Variants in C4BPA observed in about 807,000 individuals in gnomAD.
C4BPA encodes complement component 4 binding protein alpha.
Under a neutral mutation model 63.7 loss-of-function variants are expected in C4BPA, and 31 were observed. The observed-to-expected ratio is 0.49, with a 90% confidence interval of 0.37 to 0.66. The LOEUF is 0.66. Among genes scored for constraint, C4BPA ranks in the 30% least tolerant of loss-of-function variants. The probability of loss-of-function intolerance (pLI) is 0.00; values close to 1 mark genes in which losing one functional copy is unlikely to be tolerated. For synonymous variants in C4BPA, 259 were observed against 254.7 expected (o/e 1.02, Z -0.16); for missense variants, 572 against 723.3 (o/e 0.79, Z 2.40).
intron 1 of C4BPA, among the ~76,000 whole-genome samples, chr1:207,112,354 T>G (rs912721720): frequency 3.3e-5 from 5 of 150,256 alleles, no homozygotes; most frequent in Non-Finnish European, 7.4e-5. Flanking sequence ...CTTTTTGTTT[T>G]TTTTTTTTTT....
intron 1 of C4BPA, among the ~76,000 whole-genome samples, chr1:207,110,785 T>C (rs1684652308): frequency 6.6e-6 from 1 of 152,224 alleles, no homozygotes; most frequent in Non-Finnish European, 1.5e-5. Context: ...TATGGTTGTA[T>C]TTTTGTAAAT....
chr1:207,141,775 TGTG>T (rs2102367184), intron 10 of C4BPA, among the ~76,000 whole-genome samples: 1 of 152,230 alleles, frequency 6.6e-6, no homozygotes, highest in East Asian at 1.9e-4. Context: ...TTGCAGCAGT[TGTG>T]GGGACAGGAG....
chr1:207,124,982 G>A (rs532735588), intron 6 of C4BPA, among the ~76,000 whole-genome samples: 1 of 152,346 alleles, frequency 6.6e-6, no homozygotes, highest in East Asian at 1.9e-4. Flanking sequence ...TGCCTGTAGG[G>A]CAAGCAAAAC....
At chr1:207,124,595 C>G (rs761920217) in intron 6 of C4BPA, among the ~76,000 whole-genome samples, 3 of 152,150 alleles carry the variant, frequency 2.0e-5, no homozygotes, top group Non-Finnish European at 2.9e-5. Context: ...TGGGAACAAA[C>G]AGCAACAACA....
intron 7 of C4BPA, among the ~76,000 whole-genome samples, chr1:207,130,046 T>G (rs368376063): frequency 1.3e-5 from 2 of 152,198 alleles, no homozygotes; most frequent in Non-Finnish European, 2.9e-5. Flanking sequence ...TATTGTTTTA[T>G]GCAATTGCTG....
chr1:207,126,913 C>T lies in C4BPA; in HGVS notation c.889+18C>T, dbSNP rs530867822. On this transcript the variant is annotated intron_variant, in intron 7 of 11. Coordinates refer to ENST00000367070, the MANE Select transcript of C4BPA (RefSeq NM_000715.4). Reference sequence around the variant, plus strand: ...TGAGCCCAGTAAGTATGGACTGTGACAGAATTTCAATGTTTGGCATCTAAA... The same window carrying T: ...TGAGCCCAGTAAGTATGGACTGTGATAGAATTTCAATGTTTGGCATCTAAA... 99 of 1,599,640 alleles carry T rather than the reference C, an allele frequency of 6.2e-5. No homozygotes were observed. The highest frequency in any genetic ancestry group is 3.3e-4 in the Middle Eastern group (2 of 6,028).
At chr1:207,106,956 C>A (rs918454239) in intron 1 of C4BPA, among the ~76,000 whole-genome samples, 2 of 152,016 alleles carry the variant, frequency 1.3e-5, no homozygotes, top group South Asian at 2.1e-4. Flanking sequence ...TACAATACCA[C>A]GTTAGAGATG....
At chr1:207,138,922 A>AT (rs1220251805) in intron 9 of C4BPA, among the ~76,000 whole-genome samples, 6 of 152,084 alleles carry the variant, frequency 3.9e-5, no homozygotes, top group East Asian at 1.9e-4. Context: ...TTTTTATTGT[A>AT]TTTTTTTACT....
At chr1:207,142,635 A>T (rs1477150728) in intron 10 of C4BPA, among the ~76,000 whole-genome samples, 5 of 152,082 alleles carry the variant, frequency 3.3e-5, no homozygotes, top group African/African-American at 1.2e-4. Context: ...ATGTTATCTC[A>T]TTGTGGTTTT....
At chr1:207,107,190 G>C (rs191632034) in intron 1 of C4BPA, among the ~76,000 whole-genome samples, 44 of 152,322 alleles carry the variant, frequency 2.9e-4, no homozygotes, top group Admixed American at 2.9e-3. Flanking sequence ...GAGTAAAGGA[G>C]AAGTTGGAGG....
At chr1:207,132,001 T>C (rs1558094902) in intron 8 of C4BPA, among the ~76,000 whole-genome samples, 1 of 152,224 alleles carries the variant, frequency 6.6e-6, no homozygotes, top group Non-Finnish European at 1.5e-5. Context: ...AGATTATGTA[T>C]TAGTTTTCTT....
At position 207,141,194 on chromosome 1, in the gene C4BPA, T is replaced by C; in HGVS notation, c.1362T>C (p.Cys454=). ...SFFKEEIIYE[C]DKGYILVGQA... ...TCAAAGAAGAGATTATATATGAATG[T>C]GATAAAGGCTACATTCTGGTCGGAC... Residue 454 remains cysteine, a synonymous_variant, in exon 10 of 12, where the codon TGT becomes TGC. Transcript: ENST00000367070. 1 of 1,613,688 alleles carries C rather than the reference T, an allele frequency of 6.2e-7. No individual in the cohort carries two copies. The highest frequency in any genetic ancestry group is 1.1e-5 in the South Asian group (1 of 91,062).
Position 207,131,701 on chromosome 1 carries a change from C to G in C4BPA, c.1045C>G (p.Gln349Glu), listed in dbSNP as rs1278214081. ...AGATGAGCCTACGACTGTGATTTGTCAGAAAAATTTGAGATGGACCCCATA... is the reference window on the plus strand; with the variant it reads ...AGATGAGCCTACGACTGTGATTTGTGAGAAAAATTTGAGATGGACCCCATA... ...TTDEPTTVIC[Q>E]KNLRWTPYQG... is the part of the protein sequence containing the mutation. The change falls in exon 8 of 12, where the codon CAG (glutamine) becomes GAG (glutamate). Residue 349 changes from glutamine to glutamate, a missense_variant. Gln to Glu is a conservative substitution (Grantham distance 29). This residue lies in a region of C4BPA where 465 missense variants were observed against 629.4 expected (regional missense o/e 0.74). Coordinates refer to ENST00000367070, the MANE Select transcript of C4BPA (RefSeq NM_000715.4). 1 of 1,613,224 alleles carries G rather than the reference C, an allele frequency of 6.2e-7. No individual in the cohort carries two copies. The highest frequency in any genetic ancestry group is 1.3e-5 in the African/African-American group (1 of 74,854).
At chr1:207,136,210 G>C (rs1685276092) in intron 9 of C4BPA, among the ~76,000 whole-genome samples, 3 of 152,166 alleles carry the variant, frequency 2.0e-5, no homozygotes, top group South Asian at 4.1e-4. Flanking sequence ...AGCCCATGCT[G>C]TTGGGCCCAT....
intron 9 of C4BPA, among the ~76,000 whole-genome samples, chr1:207,136,160 G>A (rs566933368): frequency 5.9e-5 from 9 of 152,276 alleles, no homozygotes; most frequent in East Asian, 1.9e-4. Flanking sequence ...TTGTTGGCAC[G>A]TTGGAGATTC....
chr1:207,135,325 G>A (rs1027063148), intron 9 of C4BPA, among the ~76,000 whole-genome samples: 10 of 151,834 alleles, frequency 6.6e-5, no homozygotes, highest in African/African-American at 9.7e-5. Flanking sequence ...GCTACAGAGC[G>A]AGAATTTGTC....
intron 9 of C4BPA, among the ~76,000 whole-genome samples, chr1:207,136,694 A>C (rs890485425): frequency 6.6e-6 from 1 of 152,230 alleles, no homozygotes; most frequent in African/African-American, 2.4e-5. Context: ...AGTGAAGGGC[A>C]TGCCATTTCA....
At position 207,124,246 on chromosome 1, in the gene C4BPA, G is replaced by A. The variant is rs143323893; in HGVS notation, c.586G>A (p.Gly196Ser). 9.5e-5 allele frequency: 153 copies of A among 1,613,750 alleles called. No individual in the cohort carries two copies. The highest frequency in any genetic ancestry group is 9.2e-5 in the Non-Finnish European group (109 of 1,179,880). ...HSGEENFYAY[G>S]FSVTYSCDPR... ...CGGTGAAGAAAATTTCTACGCATAC[G>A]GCTTTTCTGTCACCTACAGCTGTGA... The change falls in exon 6 of 12, where the codon GGC becomes AGC. Residue 196 changes from glycine (G) to serine (S), a missense_variant. Gly to Ser is a moderately conservative substitution (Grantham distance 56, BLOSUM62 0). Coordinates refer to ENST00000367070, the MANE Select transcript of C4BPA (RefSeq NM_000715.4).
chr1:207,130,284 A>G (rs80334635), intron 7 of C4BPA, among the ~76,000 whole-genome samples: 2,804 of 152,306 alleles, frequency 0.018, 89 homozygotes, highest in African/African-American at 0.064. Context: ...GCTGTAATAA[A>G]AAAGATAGAC....
Sources: gnomAD v4.1 joint callset for allele counts (sites outside exome capture counted in the v4.1 genomes callset) on GRCh38, gnomAD v4.1.1 for gene constraint, gnomAD v4.1.1 regional missense constraint, MANE v1.5 for transcripts, NCBI Gene and HGNC (gene_info 2026-07-23, HGNC 2026-07-21) for gene names.